Variants in PDZRN3 observed in about 807,000 individuals in gnomAD.
PDZRN3 encodes PDZ domain containing ring finger 3, also known as E3 ubiquitin-protein ligase PDZRN3.
In PDZRN3, 38 loss-of-function variants were observed where a neutral mutation model predicts 85.7. That is an observed-to-expected ratio of 0.44 (90% CI 0.34 to 0.58). The LOEUF (loss-of-function observed/expected upper bound fraction) is 0.58. Among genes scored for constraint, PDZRN3 ranks in the 20% least tolerant of loss-of-function variants. The pLI is 0.01. For missense variants in PDZRN3, 1,629 were observed against 1,506.4 expected (o/e 1.08, Z -1.35); for synonymous variants, 759 against 638.0 (o/e 1.19, Z -2.86).
chr3:73,425,245 C>G (rs1016040423), intron 3 of PDZRN3, among the ~76,000 whole-genome samples: 1 of 151,970 alleles, frequency 6.6e-6, no homozygotes, highest in Non-Finnish European at 1.5e-5. Context: ...GTCTTGATCT[C>G]CTGACCTAGT....
chr3:73,453,090 C>T (rs1702899823), intron 3 of PDZRN3, among the ~76,000 whole-genome samples: 1 of 152,008 alleles, frequency 6.6e-6, no homozygotes, highest in Admixed American at 6.6e-5. Context: ...TGCCACTTTC[C>T]CTTTCCAGCA....
intron 3 of PDZRN3, among the ~76,000 whole-genome samples, chr3:73,593,707 T>TACACACACAC (rs201574221): frequency 1.6e-4 from 16 of 100,900 alleles, no homozygotes; most frequent in African/African-American, 4.0e-4. Context: ...CCGAAATAAA[T>TACACACACAC]ATACACACAC....
intron 6 of PDZRN3, among the ~76,000 whole-genome samples, chr3:73,390,635 A>ATGTGTG (rs746695153): frequency 3.7e-4 from 52 of 139,412 alleles, no homozygotes; most frequent in East Asian, 1.3e-3. Flanking sequence ...AGAAAAAAAA[A>ATGTGTG]TGTGTGTGTG....
chr3:73,604,176 G>C (rs1359038804), intron 2 of PDZRN3, among the ~76,000 whole-genome samples: 1 of 152,150 alleles, frequency 6.6e-6, no homozygotes. Context: ...GAATACCTCT[G>C]TGCCTCCTTC....
Position 73,624,688 on chromosome 3 carries a change from C to T in PDZRN3, c.138G>A (p.Val46=), listed in dbSNP as rs757213651. Residue 46 remains valine (V), a synonymous_variant, in exon 1 of 10, where the codon GTG becomes GTA. Coordinates refer to ENST00000263666, the MANE Select transcript of PDZRN3 (RefSeq NM_015009.3). ...VFCAGCVLPW[V]VQEGSCPARC... ...GCGCCGGGCAGCTGCCCTCCTGCAC[C>T]ACCCAGGGCAGCACGCAGCCGGCGC... The T allele has an allele frequency of 2.6e-6, 4 of 1,525,348 alleles. No homozygotes were observed. Among genetic ancestry groups the T allele is most frequent in the African/African-American group, 2.9e-5 (2 of 70,110 alleles). 94.5% of individuals were successfully genotyped at this position (1,525,348 alleles called of 1,614,324 possible).
Position 73,384,418 on chromosome 3 carries a change from G to A in PDZRN3, c.2148C>T (p.Arg716=), listed in dbSNP as rs1459238698. The change falls in exon 10 of 10, where the codon CGC becomes CGT. Residue 716 remains arginine, a synonymous_variant. Transcript: ENST00000263666. ...CGCTGTTGTGCAGCATCCAGGACTC[G>A]CGGTACTGCTCCTTGAGCTGCTGCA... is the stretch of plus-strand genomic sequence containing the variant. The part of the protein sequence containing the change: ...HKMQQLKEQY[R]ESWMLHNSGF... The A allele has an allele frequency of 5.6e-6, 9 of 1,610,376 alleles. No individual in the cohort carries two copies. Among genetic ancestry groups the A allele is most frequent in the Admixed American group, 3.3e-5 (2 of 60,006 alleles).
chr3:73,418,577 C>T (rs796521830), intron 3 of PDZRN3, among the ~76,000 whole-genome samples: 1 of 152,172 alleles, frequency 6.6e-6, no homozygotes, highest in South Asian at 2.1e-4. Flanking sequence ...ATCTGGTCTT[C>T]TATGAATGCT....
In PDZRN3 at chr3:73,389,949, C is replaced by T. The variant is rs183701294; in HGVS notation, c.1354-71G>A. The stretch of plus-strand genomic sequence containing the variant: ...AAAATAAGCAACAGCACTTTCAAAA[C>T]CATTTCTAAAACACAGTCATGCTCA... On this transcript the variant is annotated intron_variant, in intron 6 of 9. Transcript: ENST00000263666. The T allele has an allele frequency of 2.2e-4, 240 of 1,100,252 alleles. 1 individual carries two copies. The East Asian group carries it at 4.4e-3, about 20-fold the overall frequency. 68.2% of individuals were successfully genotyped at this position (1,100,252 alleles called of 1,614,324 possible). A position where few individuals can be genotyped will look rare whatever the true frequency, so the allele number is the denominator to read the frequency against.
chr3:73,491,592 C>CTTTTTTTTTTTTTTTTTTT lies in PDZRN3; in HGVS notation c.919-87198_919-87197insAAAAAAAAAAAAAAAAAAA, dbSNP rs367581488. ...AAAGAAAAACCTTGTGTGGAAGGTT[C>CTTTTTTTTTTTTTTTTTTT]CTTTTTTTTTTTTAAGAAGCAGGGT... is the stretch of plus-strand genomic sequence containing the variant. On this transcript the variant is annotated intron_variant, in intron 3 of 9. Transcript: ENST00000263666. 3.4e-5 allele frequency among the ~76,000 whole-genome samples: 4 copies of CTTTTTTTTTTTTTTTTTTT among 117,530 alleles called. 2 individuals are homozygous for CTTTTTTTTTTTTTTTTTTT. The highest frequency in any genetic ancestry group is 6.2e-5 in the African/African-American group (2 of 32,464). The allele number at this position is 117,530 out of a possible 152,430, so 77.1% of individuals were successfully genotyped here.
chr3:73,563,981 C>T (rs1196789362), intron 3 of PDZRN3, among the ~76,000 whole-genome samples: 1 of 152,158 alleles, frequency 6.6e-6, no homozygotes, highest in Non-Finnish European at 1.5e-5. Flanking sequence ...GAACATGCAA[C>T]CACCTTGAAC....
intron 3 of PDZRN3, among the ~76,000 whole-genome samples, chr3:73,571,343 T>C (rs1702043826): frequency 6.6e-6 from 1 of 152,216 alleles, no homozygotes; most frequent in South Asian, 2.1e-4. Context: ...AATCGTGCCT[T>C]TGTGACAAAA....
chr3:73,425,193 G>A (rs1419993514), intron 3 of PDZRN3, among the ~76,000 whole-genome samples: 1 of 149,816 alleles, frequency 6.7e-6, no homozygotes, highest in Non-Finnish European at 1.5e-5. Context: ...TTTTTTTTTT[G>A]TATTTTTAGT....
intron 3 of PDZRN3, among the ~76,000 whole-genome samples, chr3:73,590,619 G>A (rs567951436): frequency 8.5e-5 from 13 of 152,234 alleles, no homozygotes; most frequent in African/African-American, 3.1e-4. Flanking sequence ...GTAAAATTAA[G>A]ATGTTGTTCT....
chr3:73,492,343 G>T (rs1195105965), intron 3 of PDZRN3, among the ~76,000 whole-genome samples: 1 of 152,190 alleles, frequency 6.6e-6, no homozygotes, highest in African/African-American at 2.4e-5. Context: ...CATAGGCTGG[G>T]CTGTGTGCCT....
At chr3:73,583,359 C>T (rs996376745) in intron 3 of PDZRN3, among the ~76,000 whole-genome samples, 1 of 152,214 alleles carries the variant, frequency 6.6e-6, no homozygotes, top group African/African-American at 2.4e-5. Flanking sequence ...GTAAATTCTT[C>T]CTACATAAGC....
chr3:73,624,655 G>A lies in PDZRN3; in HGVS notation c.171C>T (p.Arg57=). Residue 57 remains arginine, a synonymous_variant, in exon 1 of 10, where the codon CGC becomes CGT. Transcript: ENST00000263666. ...VQEGSCPARC[R]GRLSAKELNH... The stretch of plus-strand genomic sequence containing the variant: ...TGAGCTCTTTGGCCGACAGGCGACC[G>A]CGGCAGCGCGCCGGGCAGCTGCCCT... 2 of 1,530,236 alleles carry A rather than the reference G, an allele frequency of 1.3e-6. No individual in the cohort carries two copies. The highest frequency in any genetic ancestry group is 1.7e-6 in the Non-Finnish European group (2 of 1,143,168). 94.8% of individuals were successfully genotyped at this position (1,530,236 alleles called of 1,614,324 possible).
chr3:73,552,947 C>A (rs1179015350), intron 3 of PDZRN3, among the ~76,000 whole-genome samples: 2 of 152,306 alleles, frequency 1.3e-5, no homozygotes, highest in East Asian at 3.9e-4. Flanking sequence ...TAAACACAAC[C>A]TACTACGTGC....
rs191820384 is a variant in PDZRN3 at position 73,415,445 on chromosome 3, T to C, written c.919-11050A>G. Among the ~76,000 whole-genome samples the C allele has an allele frequency of 3.3e-5, 5 of 152,308 alleles. No individual in the cohort carries two copies. The East Asian group carries it at 7.7e-4, about 23-fold the overall frequency. On this transcript the variant is annotated intron_variant, in intron 3 of 9. Transcript: ENST00000263666. Reference sequence around the variant, plus strand: ...CAGGTTGGACTTTGTTTTTAAAAAATATTTTTATTTTCTATTGTTTATACT... The same window carrying C: ...CAGGTTGGACTTTGTTTTTAAAAAACATTTTTATTTTCTATTGTTTATACT...
chr3:73,601,956 T>G (rs897205672), intron 3 of PDZRN3, among the ~76,000 whole-genome samples: 3 of 152,118 alleles, frequency 2.0e-5, no homozygotes, highest in African/African-American at 7.2e-5. Context: ...CTGAGGACAT[T>G]AGAATGACTC....
Sources: gnomAD v4.1 joint callset for allele counts (sites outside exome capture counted in the v4.1 genomes callset) on GRCh38, gnomAD v4.1.1 for gene constraint, MANE v1.5 for transcripts, NCBI Gene and HGNC (gene_info 2026-07-23, HGNC 2026-07-21) for gene names.